The following CD109 variants were observed in gnomAD, a reference collection of about 807,000 sequenced individuals.
CD109 encodes the protein CD109 antigen.
CD109 carries 149 observed loss-of-function variants against 165.8 expected under a neutral mutation model. That is an observed-to-expected ratio of 0.90 (90% CI 0.79 to 1.03). The LOEUF (loss-of-function observed/expected upper bound fraction) is 1.03, where lower values mean the gene tolerates loss of function less well. Among genes scored for constraint, CD109 ranks in the 50% least tolerant of loss-of-function variants. The pLI, the probability that CD109 is intolerant of heterozygous loss-of-function variation, is 0.00. For missense variants in CD109, 1,712 were observed against 1,677.8 expected, an observed-to-expected ratio of 1.02 and a Z score of -0.36; for synonymous variants, 585 against 592.1, an observed-to-expected ratio of 0.99 and a Z score of 0.18.
chr6:73,741,413 C>T (rs1196794204), intron 5 of CD109, among the ~76,000 whole-genome samples: 2 of 152,154 alleles, frequency 1.3e-5, no homozygotes, highest in African/African-American at 4.8e-5. Flanking sequence ...TATATTTTAG[C>T]TGTAACATCT....
chr6:73,799,001 CT>C (rs1775271391), intron 23 of CD109, among the ~76,000 whole-genome samples: 1 of 151,932 alleles, frequency 6.6e-6, no homozygotes, highest in Non-Finnish European at 1.5e-5. Context: ...CTCTTCTTTC[CT>C]TTTCCTCTTT....
intron 2 of CD109, among the ~76,000 whole-genome samples, chr6:73,701,081 G>A (rs1034527188): frequency 1.9e-4 from 28 of 150,380 alleles, no homozygotes; most frequent in Non-Finnish European, 3.8e-4. Flanking sequence ...GATTATAGGC[G>A]TGAGCCACCG....
intron 32 of CD109, among the ~76,000 whole-genome samples, chr6:73,820,928 TA>T (rs1776086482): frequency 6.6e-6 from 1 of 152,148 alleles, no homozygotes; most frequent in African/African-American, 2.4e-5. Flanking sequence ...TTTCCAGCTT[TA>T]AAATGGGAGT....
intron 5 of CD109, among the ~76,000 whole-genome samples, chr6:73,745,815 G>A (rs527371715): frequency 3.9e-5 from 6 of 152,194 alleles, no homozygotes; most frequent in South Asian, 2.1e-4. Flanking sequence ...TGTAACCTCC[G>A]CCTCCCAGGT....
At chr6:73,809,149 A>G (rs549489030) in intron 26 of CD109, among the ~76,000 whole-genome samples, 2 of 152,014 alleles carry the variant, frequency 1.3e-5, no homozygotes, top group Non-Finnish European at 2.9e-5. Context: ...AATATTTGAG[A>G]GAGGGCACCA....
chr6:73,729,042 C>G (rs1238391434), intron 3 of CD109, among the ~76,000 whole-genome samples: 2 of 152,176 alleles, frequency 1.3e-5, no homozygotes, highest in Non-Finnish European at 2.9e-5. Context: ...TGTGAGGCAG[C>G]TCATTCACTA....
At position 73,820,692 on chromosome 6, in the gene CD109, C is replaced by T. The variant is rs11753946; in HGVS notation, c.4162+129C>T. On this transcript the variant is annotated intron_variant, in intron 32 of 32. Coordinates refer to ENST00000287097, the MANE Select transcript of CD109 (RefSeq NM_133493.5). Reference sequence around the variant, plus strand: ...ATTTGGTAGGAGAAAGTACAGGAGGCGGGGGGGCAGGAAGTGAGCATTCCA... The same window carrying T: ...ATTTGGTAGGAGAAAGTACAGGAGGTGGGGGGGCAGGAAGTGAGCATTCCA... 136,855 of 494,594 alleles carry T rather than the reference C, an allele frequency of 0.28. 20,461 individuals carry two copies. Among genetic ancestry groups the T allele is most frequent in the Admixed American group, 0.33 (8,196 of 25,174 alleles). The allele number at this position is 494,594 out of a possible 1,614,324, so 30.6% of individuals were successfully genotyped here.
chr6:73,813,123 C>T (rs1324809584), intron 29 of CD109, among the ~76,000 whole-genome samples: 1 of 152,004 alleles, frequency 6.6e-6, no homozygotes, highest in Non-Finnish European at 1.5e-5. Flanking sequence ...GCATTATTCT[C>T]AGAATACAGT....
At chr6:73,786,411 G>A (rs1774695920) in intron 20 of CD109, among the ~76,000 whole-genome samples, 1 of 151,510 alleles carries the variant, frequency 6.6e-6, no homozygotes, top group Admixed American at 6.6e-5. Context: ...AATTTTTTAA[G>A]CTTTTTATTG....
At chr6:73,792,216 C>A (rs1332718573) in intron 22 of CD109, among the ~76,000 whole-genome samples, 1 of 151,978 alleles carries the variant, frequency 6.6e-6, no homozygotes. Context: ...TTCTCAAGTT[C>A]TTGTGGTGTA....
rs764564652 is a variant in CD109 at position 73,809,971 on chromosome 6, T to A, written c.3356-13T>A. On this transcript the variant is annotated splice_polypyrimidine_tract_variant and intron_variant, in intron 26 of 32. Coordinates refer to ENST00000287097, the MANE Select transcript of CD109 (RefSeq NM_133493.5). Reference sequence around the variant, plus strand: ...GGATAATTGATCAGAATGTTATTACTTTTCTCTTGCAGGTGGCATGCAATT... The same window carrying A: ...GGATAATTGATCAGAATGTTATTACATTTCTCTTGCAGGTGGCATGCAATT... 1 of 1,578,798 alleles carries A rather than the reference T, an allele frequency of 6.3e-7. No individual in the cohort carries two copies. The highest frequency in any genetic ancestry group is 1.9e-5 in the Admixed American group (1 of 52,758).
the CD109 span, among the ~76,000 whole-genome samples, chr6:73,682,544 G>T: frequency 6.6e-6 from 1 of 152,184 alleles, no homozygotes; most frequent in Non-Finnish European, 1.5e-5. Flanking sequence ...GCTTTTCCAG[G>T]CACACAGTGC....
At chr6:73,780,263 G>C (rs952215728) in intron 15 of CD109, among the ~76,000 whole-genome samples, 161 bp from the exon 16 acceptor site, 1 of 152,132 alleles carries the variant, frequency 6.6e-6, no homozygotes, top group African/African-American at 2.4e-5. Flanking sequence ...AATTTTGGCT[G>C]ACTGACTGAT....
At chr6:73,719,378 T>C (rs772991337) in intron 2 of CD109, among the ~76,000 whole-genome samples, 9 of 152,248 alleles carry the variant, frequency 5.9e-5, no homozygotes, top group Non-Finnish European at 1.0e-4. Flanking sequence ...TGATGATTAT[T>C]GCCATTATTT....
At chr6:73,708,745 G>C (rs376858948) in intron 2 of CD109, among the ~76,000 whole-genome samples, 2 of 152,164 alleles carry the variant, frequency 1.3e-5, no homozygotes, top group African/African-American at 4.8e-5. Flanking sequence ...TTCTCTGATG[G>C]CCAGTGATGA....
At chr6:73,727,297 CAT>C (rs1180194752) in intron 3 of CD109, among the ~76,000 whole-genome samples, 3 of 152,252 alleles carry the variant, frequency 2.0e-5, no homozygotes, top group South Asian at 2.1e-4. Flanking sequence ...CACCCCGAGA[CAT>C]GTGGTGATGC....
At chr6:73,680,624 G>C in the CD109 span, among the ~76,000 whole-genome samples, 5 of 152,330 alleles carry the variant, frequency 3.3e-5, no homozygotes, top group South Asian at 1.0e-3. Flanking sequence ...AGAGACTCCT[G>C]CAGGGGAAAG....
At chr6:73,816,619 G>C (rs1452190675) in intron 30 of CD109, among the ~76,000 whole-genome samples, 1 of 152,098 alleles carries the variant, frequency 6.6e-6, no homozygotes, top group Non-Finnish European at 1.5e-5. Context: ...CTATGTGCCA[G>C]GCATGGTGTC....
chr6:73,699,721 G>A (rs997629838), intron 2 of CD109, among the ~76,000 whole-genome samples: 1 of 152,204 alleles, frequency 6.6e-6, no homozygotes, highest in Non-Finnish European at 1.5e-5. Context: ...GGATCTGTGG[G>A]AAGGAAGGAG....
Sources: allele counts gnomAD v4.1 joint callset (sites outside exome capture counted in the v4.1 genomes callset), GRCh38; gene constraint gnomAD v4.1.1; transcripts MANE v1.5; gene names NCBI Gene and HGNC (gene_info 2026-07-23, HGNC 2026-07-21).